Variants in CPNE5 observed in about 807,000 individuals in gnomAD.
The protein encoded by CPNE5 is copine-5.
Under a neutral mutation model 81.1 loss-of-function variants are expected in CPNE5, and 42 were observed. That is an observed-to-expected ratio of 0.52 (90% CI 0.40 to 0.67). The LOEUF (loss-of-function observed/expected upper bound fraction) is 0.67, where lower values mean the gene tolerates loss of function less well. Among genes scored for constraint, CPNE5 ranks in the 30% least tolerant of loss-of-function variants. The pLI, the probability that CPNE5 is intolerant of heterozygous loss-of-function variation, is 0.00. For synonymous variants in CPNE5, 313 were observed against 321.5 expected, an observed-to-expected ratio of 0.97 and a Z score of 0.28; for missense variants, 612 against 815.5, an observed-to-expected ratio of 0.75 and a Z score of 3.04.
At chr6:36,816,678 C>A (rs1440380858) in intron 3 of CPNE5, among the ~76,000 whole-genome samples, 2 of 152,214 alleles carry the variant, frequency 1.3e-5, no homozygotes, top group African/African-American at 2.4e-5. Flanking sequence ...TCCATAGAGA[C>A]AATCTGGATT....
At position 36,839,259 on chromosome 6, in the gene CPNE5, G is replaced by A; in HGVS notation, c.95+24C>T. On this transcript the variant is annotated intron_variant, in intron 1 of 20. Transcript: ENST00000244751. The surrounding 1 kb of genome is among the most constrained non-coding windows in gnomAD (Gnocchi z 7.3). The stretch of plus-strand genomic sequence containing the variant: ...CTCTGCGTCCAGGGCCGGGGCAAGG[G>A]GACCCGGCCAGCGGGAGGCTCACCT... The A allele has an allele frequency of 1.3e-6, 2 of 1,497,204 alleles. No homozygotes were observed. Among genetic ancestry groups the A allele is most frequent in the Non-Finnish European group, 1.8e-6 (2 of 1,109,012 alleles). 92.7% of individuals were successfully genotyped at this position (1,497,204 alleles called of 1,614,324 possible).
rs142597977 is a variant in CPNE5 at position 36,755,735 on chromosome 6, C to A, written c.909+510G>T. On this transcript the variant is annotated intron_variant, in intron 13 of 20. Coordinates refer to ENST00000244751, the MANE Select transcript of CPNE5 (RefSeq NM_020939.2). Reference sequence around the variant, plus strand: ...CCGGCGTGTCATCCCAGGAAGGTCACGGTTAAGCAGGGGCAGCGCCCGTAG... The same window carrying A: ...CCGGCGTGTCATCCCAGGAAGGTCAAGGTTAAGCAGGGGCAGCGCCCGTAG... 7.6e-3 allele frequency: 1,210 copies of A among 159,648 alleles called. 7 individuals carry two copies. Among genetic ancestry groups the A allele is most frequent in the Non-Finnish European group, 0.011 (829 of 72,436 alleles). 9.9% of individuals were successfully genotyped at this position (159,648 alleles called of 1,614,324 possible).
At chr6:36,834,957 C>T (rs899681534) in intron 1 of CPNE5, among the ~76,000 whole-genome samples, 1 of 152,102 alleles carries the variant, frequency 6.6e-6, no homozygotes, top group Non-Finnish European at 1.5e-5. Context: ...AGCTCCTGAG[C>T]CGGGCTGCCT....
chr6:36,774,811 T>G lies in CPNE5; in HGVS notation c.737+150A>C, dbSNP rs947340166. 4.8e-6 allele frequency: 3 copies of G among 630,082 alleles called. No individual in the cohort carries two copies. In the African/African-American group the frequency reaches 5.5e-5, roughly 12 times the overall value. 39.0% of individuals were successfully genotyped at this position (630,082 alleles called of 1,614,324 possible). On this transcript the variant is annotated intron_variant, in intron 10 of 20. Transcript: ENST00000244751. The stretch of plus-strand genomic sequence containing the variant: ...TGGAGGGGCTCACCAAGCCCCAGCC[T>G]GTGCAGGGCACCCCCTACTGCACAA...
chr6:36,815,614 C>T (rs747079110), intron 3 of CPNE5, among the ~76,000 whole-genome samples: 26 of 152,206 alleles, frequency 1.7e-4, no homozygotes, highest in Admixed American at 4.6e-4. Flanking sequence ...TGGTTATAAG[C>T]TACCCAGTTT....
chr6:36,800,272 G>T (rs1441859998), intron 3 of CPNE5, among the ~76,000 whole-genome samples: 3 of 152,178 alleles, frequency 2.0e-5, no homozygotes, highest in South Asian at 2.1e-4. Context: ...TGTACAGTAT[G>T]GCTCCAACCC....
chr6:36,761,563 G>A (rs900535460), intron 12 of CPNE5, among the ~76,000 whole-genome samples: 5 of 152,222 alleles, frequency 3.3e-5, no homozygotes, highest in African/African-American at 1.2e-4. Context: ...CAACTTTGCT[G>A]GCTGAGTGGC....
At chr6:36,794,893 T>C (rs539831450) in intron 6 of CPNE5, among the ~76,000 whole-genome samples, 1 of 152,278 alleles carries the variant, frequency 6.6e-6, no homozygotes, top group Non-Finnish European at 1.5e-5. Flanking sequence ...ATGTTATTAA[T>C]AGGAATGTAA....
intron 1 of CPNE5, among the ~76,000 whole-genome samples, chr6:36,825,294 C>T (rs1772407109): frequency 6.6e-6 from 1 of 152,158 alleles, no homozygotes; most frequent in Non-Finnish European, 1.5e-5. Context: ...CTGGGGAAGC[C>T]CCAGATTGCA....
intron 3 of CPNE5, among the ~76,000 whole-genome samples, chr6:36,802,820 C>T (rs997655597): frequency 1.8e-4 from 28 of 152,056 alleles, no homozygotes; most frequent in Middle Eastern, 3.4e-3. Flanking sequence ...GAGGCTGAGG[C>T]GGGCGGATCA....
intron 6 of CPNE5, among the ~76,000 whole-genome samples, chr6:36,796,727 A>G (rs549468461): frequency 3.3e-5 from 5 of 152,200 alleles, no homozygotes; most frequent in African/African-American, 7.2e-5. Context: ...AGAGACCCCC[A>G]AAACAGGGGT....
Position 36,811,310 on chromosome 6 carries a change from G to A in CPNE5, c.183+10804C>T, listed in dbSNP as rs1031133909. Among the ~76,000 whole-genome samples, 8 of 152,230 alleles carry A rather than the reference G, an allele frequency of 5.3e-5. 1 individual carries two copies. Among genetic ancestry groups the A allele is most frequent in the Middle Eastern group, 6.3e-3 (2 of 316 alleles). On this transcript the variant is annotated intron_variant, in intron 3 of 20. Transcript: ENST00000244751. Reference sequence around the variant, plus strand: ...GATAGCTCCTGCCAAATGGCATCACGATGTCTGAAATGATACTGTCAATGG... The same window carrying A: ...GATAGCTCCTGCCAAATGGCATCACAATGTCTGAAATGATACTGTCAATGG...
chr6:36,817,976 T>C (rs1176307485), intron 3 of CPNE5, among the ~76,000 whole-genome samples: 1 of 152,038 alleles, frequency 6.6e-6, no homozygotes, highest in Non-Finnish European at 1.5e-5. Flanking sequence ...CTTTATTACA[T>C]CCCTCAACAG....
chr6:36,769,060 C>A (rs918868722), intron 10 of CPNE5, among the ~76,000 whole-genome samples: 5 of 152,228 alleles, frequency 3.3e-5, no homozygotes. Context: ...GTCTCTCAAA[C>A]AATTCCCATG....
At chr6:36,769,815 C>T (rs916299) in intron 10 of CPNE5, among the ~76,000 whole-genome samples, 11,784 of 152,156 alleles carry the variant, frequency 0.077, 559 homozygotes, top group East Asian at 0.17. Flanking sequence ...CCTGATAGGG[C>T]GCCTGGCCCT....
intron 9 of CPNE5, among the ~76,000 whole-genome samples, chr6:36,778,373 G>A (rs555646387): frequency 2.4e-4 from 36 of 152,318 alleles, no homozygotes; most frequent in Admixed American, 9.8e-4. Context: ...GTGTGGGGCC[G>A]GGCAGCAGAA....
intron 12 of CPNE5, 133 bp downstream of exon 12, chr6:36,762,783 CG>C (rs1423859289): frequency 1.0e-4 from 72 of 715,104 alleles, no homozygotes; most frequent in Admixed American, 6.7e-4. Context: ...GTCTCCTTAA[CG>C]GTAGAATGGG....
chr6:36,778,430 C>T (rs936654089), intron 9 of CPNE5, among the ~76,000 whole-genome samples: 15 of 152,180 alleles, frequency 9.9e-5, no homozygotes, highest in African/African-American at 3.1e-4. Context: ...GGGGGCCAGA[C>T]TGGGGGCTGC....
At chr6:36,780,065 T>C (rs771685207) in intron 8 of CPNE5, among the ~76,000 whole-genome samples, 3 of 151,744 alleles carry the variant, frequency 2.0e-5, no homozygotes, top group Admixed American at 6.6e-5. Context: ...CCCAGGTTCA[T>C]GCCATTCTCC....
Sources: gnomAD v4.1 joint callset for allele counts (sites outside exome capture counted in the v4.1 genomes callset) on GRCh38, gnomAD v4.1.1 for gene constraint, Gnocchi (gnomAD v3.1) non-coding constraint, MANE v1.5 for transcripts, NCBI Gene and HGNC (gene_info 2026-07-23, HGNC 2026-07-21) for gene names.